The following PTPRD variants were observed in gnomAD, a reference collection of about 807,000 sequenced individuals.
PTPRD encodes receptor-type tyrosine-protein phosphatase delta.
PTPRD carries 34 observed loss-of-function variants against 214.5 expected under a neutral mutation model. The observed-to-expected ratio is 0.16, with a 90% CI of 0.12 to 0.21. The LOEUF is 0.21. Among genes scored for constraint, PTPRD ranks in the 10% least tolerant of loss-of-function variants. The probability of loss-of-function intolerance (pLI) is 1.00; values close to 1 mark genes in which losing one functional copy is unlikely to be tolerated. For missense variants in PTPRD, 2,545 were observed against 2,398.7 expected (o/e 1.06, Z -1.27); for synonymous variants, 1,128 against 845.7 (o/e 1.33, Z -5.79).
At position 8,507,386 on chromosome 9, in the gene PTPRD, C is replaced by A. The variant is rs753688426; in HGVS notation, c.1592G>T (p.Ser531Ile). 1.2e-6 allele frequency: 2 copies of A among 1,614,002 alleles called. No individual in the cohort carries two copies. Among genetic ancestry groups the A allele is most frequent in the South Asian group, 2.2e-5 (2 of 91,082 alleles). The change falls in exon 22 of 46, where the codon AGT becomes ATT. Residue 531 changes from serine to isoleucine, a missense_variant. By Grantham distance (142) the Ser-to-Ile change is moderately radical. Transcript: ENST00000381196. Reference protein sequence around the residue: ...NFKAEPESETSILLSWTPPRS... With the variant: ...NFKAEPESETIILLSWTPPRS... ...TGGAGGTGTCCAAGAGAGCAAAATA[C>A]TTGTTTCAGACTCAGGTTCTGCTTT...
intron 43 of PTPRD, among the ~76,000 whole-genome samples, chr9:8,334,610 T>TAACA: frequency 8.2e-6 from 1 of 122,602 alleles, no homozygotes; most frequent in African/African-American, 3.3e-5. Flanking sequence ...ATCGACACCC[T>TAACA]AACATCACAA....
chr9:9,437,647 C>A (rs1003487586), intron 8 of PTPRD, among the ~76,000 whole-genome samples: 3 of 152,056 alleles, frequency 2.0e-5, no homozygotes, highest in Admixed American at 6.6e-5. Context: ...AATTATTCAC[C>A]AACTTCTGAA....
At chr9:8,556,264 A>AT (rs2083722389) in intron 14 of PTPRD, among the ~76,000 whole-genome samples, 1 of 152,220 alleles carries the variant, frequency 6.6e-6, no homozygotes, top group Non-Finnish European at 1.5e-5. Flanking sequence ...TCCAGAGCAT[A>AT]TGTCATAACT....
intron 44 of PTPRD, among the ~76,000 whole-genome samples, chr9:8,321,535 T>C (rs1450602070): frequency 1.8e-5 from 2 of 112,990 alleles, no homozygotes; most frequent in African/African-American, 3.0e-5. Context: ...ATAAAAGGTA[T>C]ATGCATCGCA....
chr9:9,458,835 G>A (rs1240145207), intron 8 of PTPRD, among the ~76,000 whole-genome samples: 2 of 152,076 alleles, frequency 1.3e-5, no homozygotes, highest in Non-Finnish European at 2.9e-5. Flanking sequence ...AGCTACTTGG[G>A]AGGTTGAAGT....
intron 3 of PTPRD, among the ~76,000 whole-genome samples, chr9:10,253,620 C>A (rs1339485728): frequency 6.6e-6 from 1 of 152,152 alleles, no homozygotes. Flanking sequence ...TGGAGGCTTT[C>A]AACTGTTTCA....
At chr9:8,929,745 GTATATATATA>G (rs200883991) in intron 11 of PTPRD, among the ~76,000 whole-genome samples, 3,198 of 88,688 alleles carry the variant, frequency 0.036, 505 homozygotes, top group Middle Eastern at 0.047. Flanking sequence ...ATATATATGT[GTATATATATA>G]TGTATATATA....
At chr9:10,363,907 C>T (rs2097447164) in intron 2 of PTPRD, among the ~76,000 whole-genome samples, 1 of 148,386 alleles carries the variant, frequency 6.7e-6, no homozygotes, top group African/African-American at 2.5e-5. Context: ...GGACACTATT[C>T]TAAGTATTAT....
intron 10 of PTPRD, among the ~76,000 whole-genome samples, chr9:9,088,466 G>A (rs893689696): frequency 3.3e-5 from 5 of 150,580 alleles, no homozygotes; most frequent in Non-Finnish European, 7.4e-5. Flanking sequence ...TATAATCCCA[G>A]CTACTCGGGA....
intron 5 of PTPRD, among the ~76,000 whole-genome samples, chr9:9,821,482 G>C (rs900812052): frequency 6.6e-6 from 1 of 152,126 alleles, no homozygotes; most frequent in Non-Finnish European, 1.5e-5. Context: ...ATATTCCCTA[G>C]ATATGTAGTT....
At chr9:8,744,231 A>C in intron 11 of PTPRD, among the ~76,000 whole-genome samples, 1 of 152,200 alleles carries the variant, frequency 6.6e-6, no homozygotes. Context: ...GCTATGGAAA[A>C]CGGTGTGAAG....
At chr9:10,595,523 A>T (rs2076421984) in intron 2 of PTPRD, among the ~76,000 whole-genome samples, 1 of 151,722 alleles carries the variant, frequency 6.6e-6, no homozygotes, top group Admixed American at 6.6e-5. Flanking sequence ...TCTTCCATAG[A>T]CAAGTGGGTT....
intron 10 of PTPRD, among the ~76,000 whole-genome samples, chr9:9,140,293 C>A (rs111797683): frequency 6.6e-6 from 1 of 152,126 alleles, no homozygotes; most frequent in Non-Finnish European, 1.5e-5. Flanking sequence ...ATTACATACA[C>A]CCCACCTTAT....
intron 5 of PTPRD, among the ~76,000 whole-genome samples, chr9:9,868,465 T>A (rs1565888042): frequency 6.6e-6 from 1 of 152,020 alleles, no homozygotes; most frequent in Non-Finnish European, 1.5e-5. Flanking sequence ...AAGATCAAAG[T>A]AGAATTTAAA....
At chr9:10,226,918 G>C (rs1261467164) in intron 3 of PTPRD, among the ~76,000 whole-genome samples, 2 of 151,854 alleles carry the variant, frequency 1.3e-5, no homozygotes, top group Non-Finnish European at 2.9e-5. Flanking sequence ...ACTATTTGGG[G>C]GGTAAATATA....
intron 7 of PTPRD, among the ~76,000 whole-genome samples, chr9:9,701,141 T>A (rs1169643299): frequency 6.6e-6 from 1 of 152,128 alleles, no homozygotes; most frequent in African/African-American, 2.4e-5. Flanking sequence ...GAGAGATGTG[T>A]ATAACCCATT....
At chr9:8,968,672 G>A (rs73640975) in intron 11 of PTPRD, among the ~76,000 whole-genome samples, 2,977 of 152,114 alleles carry the variant, frequency 0.02, 101 homozygotes, top group African/African-American at 0.065. Context: ...CAAATTCACT[G>A]GATTAGTAAG....
chr9:10,484,853 G>C lies in PTPRD; in HGVS notation c.-600+127545C>G, dbSNP rs536588490. Among the ~76,000 whole-genome samples the C allele has an allele frequency of 3.3e-5, 5 of 151,950 alleles. No individual in the cohort carries two copies. In the South Asian group the frequency reaches 8.3e-4, roughly 25 times the overall value. ...CTTTTTTTTCCTTTGCTGTGCAGAA[G>C]CTCTACCTTGATGTGATTCAATGTG... On this transcript the variant is annotated intron_variant, in intron 2 of 45. Transcript: ENST00000381196.
intron 14 of PTPRD, among the ~76,000 whole-genome samples, chr9:8,539,982 G>A (rs778114909): frequency 2.0e-4 from 31 of 152,034 alleles, no homozygotes; most frequent in Admixed American, 4.6e-4. Context: ...TCCTGATTTC[G>A]ATAGTCCCAT....
Sources: gnomAD v4.1 joint callset for allele counts (sites outside exome capture counted in the v4.1 genomes callset) on GRCh38, gnomAD v4.1.1 for gene constraint, MANE v1.5 for transcripts, NCBI Gene and HGNC (gene_info 2026-07-23, HGNC 2026-07-21) for gene names.